Variants in CALN1 observed in about 807,000 individuals in gnomAD.
CALN1 encodes calcium-binding protein 8.
A neutral mutation model predicts 30.6 loss-of-function variants in CALN1; 17 were observed. The ratio of observed to expected loss-of-function variants is 0.56; its 90% CI spans 0.38 to 0.83. The LOEUF is 0.83. Ranked by LOEUF, CALN1 falls within the 40% of genes least tolerant of loss-of-function variation. CALN1 has a pLI of 0.00. For synonymous variants in CALN1, 156 were observed against 131.4 expected, an observed-to-expected ratio of 1.19 and a Z score of -1.28; for missense variants, 291 against 354.9, an observed-to-expected ratio of 0.82 and a Z score of 1.45.
chr7:72,058,684 G>C (rs1165330736), intron 4 of CALN1, among the ~76,000 whole-genome samples: 1 of 152,106 alleles, frequency 6.6e-6, no homozygotes, highest in Non-Finnish European at 1.5e-5. Context: ...AGGGCCAAGG[G>C]GGCAGGACTT....
chr7:72,334,028 G>C (rs941651539), intron 2 of CALN1, among the ~76,000 whole-genome samples: 1 of 152,198 alleles, frequency 6.6e-6, no homozygotes, highest in Non-Finnish European at 1.5e-5. Context: ...GCCTCAAACC[G>C]TAACTCTGCT....
intron 6 of CALN1, among the ~76,000 whole-genome samples, chr7:71,795,476 G>C (rs1166801598): frequency 1.3e-5 from 2 of 152,162 alleles, no homozygotes; most frequent in Admixed American, 1.3e-4. Context: ...TTAAGATATA[G>C]TTCACATACC....
chr7:72,070,945 A>G (rs920073450), intron 4 of CALN1, among the ~76,000 whole-genome samples: 2 of 152,208 alleles, frequency 1.3e-5, no homozygotes, highest in Non-Finnish European at 2.9e-5. Flanking sequence ...AGTCAAAACA[A>G]AACTGGATGG....
At chr7:72,164,396 G>A (rs1252356440) in intron 3 of CALN1, among the ~76,000 whole-genome samples, 2 of 150,698 alleles carry the variant, frequency 1.3e-5, no homozygotes, top group Non-Finnish European at 3.0e-5. Flanking sequence ...AGACACATAG[G>A]AAGAACGCCA....
the CALN1 span, among the ~76,000 whole-genome samples, chr7:72,455,321 A>ATATGTGTGTGTGTG: frequency 2.2e-5 from 3 of 138,764 alleles, no homozygotes; most frequent in African/African-American, 8.3e-5. Flanking sequence ...ATATATATAT[A>ATATGTGTGTGTGTG]TGTGTGTGTG....
At chr7:72,205,280 G>A (rs928604106) in intron 3 of CALN1, among the ~76,000 whole-genome samples, 5 of 151,364 alleles carry the variant, frequency 3.3e-5, no homozygotes, top group South Asian at 2.1e-4. Context: ...TCAGCTCACC[G>A]CAACCTCCGC....
intron 5 of CALN1, among the ~76,000 whole-genome samples, chr7:71,988,116 C>T (rs1186663795): frequency 2.0e-5 from 3 of 152,166 alleles, no homozygotes; most frequent in Non-Finnish European, 4.4e-5. Flanking sequence ...TCATCACCAC[C>T]ATCATTGTCG....
At chr7:72,168,811 T>TATTA (rs1187335404) in intron 3 of CALN1, among the ~76,000 whole-genome samples, 2 of 129,020 alleles carry the variant, frequency 1.6e-5, no homozygotes, top group Non-Finnish European at 3.3e-5. Context: ...TATTATTTTT[T>TATTA]TTTTTTTTTT....
At chr7:72,066,650 T>C (rs1804040647) in intron 4 of CALN1, among the ~76,000 whole-genome samples, 1 of 152,152 alleles carries the variant, frequency 6.6e-6, no homozygotes, top group Non-Finnish European at 1.5e-5. Context: ...TCTCTTTCTG[T>C]CAATCAGGCT....
intron 5 of CALN1, among the ~76,000 whole-genome samples, chr7:72,011,621 G>A (rs180816012): frequency 2.4e-4 from 37 of 152,260 alleles, no homozygotes; most frequent in African/African-American, 8.9e-4. Context: ...AGTTTAACAA[G>A]TTCAGGGCCA....
chr7:72,499,769 CTTT>C, the CALN1 span, among the ~76,000 whole-genome samples: 1 of 128,508 alleles, frequency 7.8e-6, no homozygotes, highest in Non-Finnish European at 1.6e-5. Context: ...GCAAAACTTT[CTTT>C]CTTTCCTTCC....
chr7:72,404,414 A>G lies in CALN1; in HGVS notation c.-73-972T>C, dbSNP rs150488514. 1.2e-4 allele frequency among the ~76,000 whole-genome samples: 19 copies of G among 152,268 alleles called. No individual in the cohort carries two copies. In the East Asian group the frequency reaches 3.7e-3, roughly 29 times the overall value. On this transcript the variant is annotated intron_variant, in intron 1 of 6. Coordinates refer to ENST00000395275, the MANE Select transcript of CALN1 (RefSeq NM_031468.4). ...CTTTGGTTTCATTGAAGGTAAAAACAAACAATAATAAAGACAAACAAAGAC... is the reference window on the plus strand; with the variant it reads ...CTTTGGTTTCATTGAAGGTAAAAACGAACAATAATAAAGACAAACAAAGAC...
At chr7:72,246,969 G>C (rs1336334136) in intron 3 of CALN1, among the ~76,000 whole-genome samples, 2 of 152,020 alleles carry the variant, frequency 1.3e-5, no homozygotes, top group Non-Finnish European at 2.9e-5. Context: ...GGTCAGGCTA[G>C]TCTCGAACTC....
chr7:72,130,642 G>A (rs1023934426), intron 3 of CALN1, among the ~76,000 whole-genome samples: 3 of 152,124 alleles, frequency 2.0e-5, no homozygotes, highest in South Asian at 4.2e-4. Flanking sequence ...TCTGCAGAGG[G>A]AAACCAGGTG....
At chr7:72,395,401 T>C (rs1210063205) in intron 2 of CALN1, among the ~76,000 whole-genome samples, 4 of 151,958 alleles carry the variant, frequency 2.6e-5, no homozygotes, top group African/African-American at 9.7e-5. Context: ...AGGCTCAAAC[T>C]GTATTTGGAA....
At chr7:72,368,419 C>A (rs191930222) in intron 2 of CALN1, among the ~76,000 whole-genome samples, 6 of 151,574 alleles carry the variant, frequency 4.0e-5, no homozygotes, top group African/African-American at 1.5e-4. Context: ...AATATTGGTG[C>A]CACATAGAAA....
the CALN1 span, among the ~76,000 whole-genome samples, chr7:72,479,958 A>T: frequency 2.0e-5 from 3 of 152,246 alleles, no homozygotes; most frequent in Non-Finnish European, 4.4e-5. Context: ...TGAACTTTCT[A>T]TTCCATTCCA....
intron 5 of CALN1, among the ~76,000 whole-genome samples, chr7:71,892,262 C>T (rs1402171541): frequency 6.6e-6 from 1 of 152,264 alleles, no homozygotes; most frequent in African/African-American, 2.4e-5. Flanking sequence ...TGATTATTGG[C>T]CATCTATTTT....
the CALN1 span, among the ~76,000 whole-genome samples, chr7:72,485,974 G>A: frequency 1.1e-4 from 17 of 152,060 alleles, no homozygotes; most frequent in Admixed American, 2.6e-4. Context: ...TTTTGGAGGC[G>A]GAGTCTCACT....
Sources: gnomAD v4.1 joint callset for allele counts (sites outside exome capture counted in the v4.1 genomes callset) on GRCh38, gnomAD v4.1.1 for gene constraint, MANE v1.5 for transcripts, NCBI Gene and HGNC (gene_info 2026-07-23, HGNC 2026-07-21) for gene names.